NCAM1: variants seen among roughly 807,000 people sequenced by gnomAD.
The protein encoded by NCAM1 is antigen recognized by monoclonal antibody 5.1H11.
A neutral mutation model predicts 109.8 loss-of-function variants in NCAM1; 14 were observed. The observed-to-expected ratio is 0.13, with a 90% CI of 0.08 to 0.20. NCAM1 has a LOEUF of 0.20. Among genes scored for constraint, NCAM1 ranks in the 10% least tolerant of loss-of-function variants. The pLI is 1.00. For synonymous variants in NCAM1, 418 were observed against 442.9 expected, an observed-to-expected ratio of 0.94 and a Z score of 0.70; for missense variants, 774 against 1,109.9, an observed-to-expected ratio of 0.70 and a Z score of 4.30.
intron 1 of NCAM1, among the ~76,000 whole-genome samples, chr11:113,192,499 T>A (rs1943712577): frequency 6.6e-6 from 1 of 152,166 alleles, no homozygotes; most frequent in Non-Finnish European, 1.5e-5. Context: ...AGGCACTGGA[T>A]GGATTAATCA....
In NCAM1 at chr11:113,136,539, C is replaced by T. The variant is rs569784481; in HGVS notation, c.53-65840C>T. On this transcript the variant is annotated intron_variant, in intron 1 of 19. Transcript: ENST00000316851. ...TCCTGTGGGGTCTGGGTCAGGAAGA[C>T]GAGGAGGCATGCGTGAAGCGTGTCT... Among the ~76,000 whole-genome samples the T allele has an allele frequency of 3.3e-5, 5 of 152,288 alleles. No individual in the cohort carries two copies. The East Asian group carries it at 5.8e-4, about 18-fold the overall frequency.
intron 1 of NCAM1, among the ~76,000 whole-genome samples, chr11:113,118,719 G>A (rs10750024): frequency 0.57 from 86,293 of 151,596 alleles, 25,143 homozygotes; most frequent in African/African-American, 0.62. Flanking sequence ...AAACCTGTGA[G>A]TCTATGGAAG....
chr11:113,194,444 T>C (rs1943790997), intron 1 of NCAM1, among the ~76,000 whole-genome samples: 1 of 152,192 alleles, frequency 6.6e-6, no homozygotes, highest in South Asian at 2.1e-4. Flanking sequence ...ATGGTTTTTG[T>C]GTATGACTCA....
intron 7 of NCAM1, among the ~76,000 whole-genome samples, chr11:113,210,874 TG>T (rs1450697526): frequency 1.3e-5 from 2 of 150,666 alleles, no homozygotes; most frequent in African/African-American, 4.9e-5. Context: ...GGGAGCATAG[TG>T]GGGCAAACAG....
At chr11:113,272,022 G>A in intron 19 of NCAM1, 146 bp downstream of exon 19, 1 of 579,474 alleles carries the variant, frequency 1.7e-6, no homozygotes, top group Non-Finnish European at 3.0e-6. Context: ...CACAAGACCT[G>A]CTTGGCTGAG....
intron 1 of NCAM1, among the ~76,000 whole-genome samples, chr11:113,178,599 C>T (rs575379863): frequency 6.6e-6 from 1 of 152,292 alleles, no homozygotes; most frequent in Admixed American, 6.5e-5. Context: ...AAGTTTCTGA[C>T]AAACAGCCTG....
chr11:113,270,706 C>T (rs1460791279), intron 18 of NCAM1, among the ~76,000 whole-genome samples: 1 of 152,098 alleles, frequency 6.6e-6, no homozygotes, highest in Admixed American at 6.6e-5. Context: ...GAGGAGCTGC[C>T]ATGGGGTAGG....
intron 1 of NCAM1, among the ~76,000 whole-genome samples, chr11:113,142,779 T>C (rs1185796884): frequency 2.0e-5 from 3 of 152,192 alleles, no homozygotes; most frequent in Admixed American, 1.3e-4. Context: ...CGGGTGTGTA[T>C]AAACCAAGCA....
chr11:113,011,733 G>C (rs1319526714), intron 1 of NCAM1, among the ~76,000 whole-genome samples: 7 of 152,136 alleles, frequency 4.6e-5, no homozygotes, highest in African/African-American at 1.4e-4. Context: ...GTGTTTGGAG[G>C]GGATCGTTAA....
At chr11:112,994,164 G>C (rs1026512144) in intron 1 of NCAM1, among the ~76,000 whole-genome samples, 5 of 152,156 alleles carry the variant, frequency 3.3e-5, no homozygotes, top group Non-Finnish European at 5.9e-5. Context: ...TGCATTATTA[G>C]TCAATACATT....
chr11:113,264,066 G>C (rs1281487732), intron 17 of NCAM1: 2 of 985,258 alleles, frequency 2.0e-6, no homozygotes, highest in African/African-American at 1.7e-5. Flanking sequence ...CCCTTGTGGA[G>C]ACTCAGGGCT....
chr11:113,220,600 C>CTTTTTT (rs1336984958), intron 8 of NCAM1, among the ~76,000 whole-genome samples: 29 of 102,352 alleles, frequency 2.8e-4, no homozygotes, highest in Non-Finnish European at 4.5e-4. Flanking sequence ...CTCTCTCTCT[C>CTTTTTT]TCTTTTTTTT....
intron 1 of NCAM1, among the ~76,000 whole-genome samples, chr11:113,194,042 T>C (rs1943778385): frequency 6.6e-6 from 1 of 152,146 alleles, no homozygotes; most frequent in African/African-American, 2.4e-5. Context: ...CTCTGTGTTC[T>C]GATTTGAAGC....
At chr11:112,987,441 A>G (rs1042537050) in intron 1 of NCAM1, among the ~76,000 whole-genome samples, 8 of 152,200 alleles carry the variant, frequency 5.3e-5, no homozygotes, top group Admixed American at 1.3e-4. Flanking sequence ...CTTTTTCCAT[A>G]ATGATTTTCT....
At chr11:113,148,041 C>T (rs949888185) in intron 1 of NCAM1, among the ~76,000 whole-genome samples, 1 of 152,176 alleles carries the variant, frequency 6.6e-6, no homozygotes, top group Non-Finnish European at 1.5e-5. Flanking sequence ...ACAATTAATC[C>T]TAAAATGCAT....
Position 113,132,603 on chromosome 11 carries a change from CATGTGTGTGTGTGTGT to C in NCAM1, c.53-69775_53-69760del, listed in dbSNP as rs782325943. On this transcript the variant is annotated intron_variant, in intron 1 of 19. Coordinates refer to ENST00000316851, the MANE Select transcript of NCAM1 (RefSeq NM_181351.5). The stretch of plus-strand genomic sequence containing the variant: ...TTGGGATCAGGCATATATTAGGAAG[CATGTGTGTGTGTGTGT>C]GTGTGTGTGTGTGTGTGTGTGTGTG... Among the ~76,000 whole-genome samples, 12 of 108,744 alleles carry C rather than the reference CATGTGTGTGTGTGTGT, an allele frequency of 1.1e-4. No individual in the cohort carries two copies. The South Asian group carries it at 1.3e-3, about 12-fold the overall frequency. 71.3% of individuals were successfully genotyped at this position (108,744 alleles called of 152,430 possible).
intron 1 of NCAM1, among the ~76,000 whole-genome samples, chr11:113,199,829 T>TGAAAAAAAAAAAAAAAAAAAAAAAAA (rs60389510): frequency 3.5e-5 from 4 of 115,766 alleles, no homozygotes; most frequent in African/African-American, 6.8e-5. Flanking sequence ...GAAACACCCT[T>TGAAAAAAAAAAAAAAAAAAAAAAAAA]AAAAAAAAAA....
chr11:113,023,650 G>A (rs1952457609), intron 1 of NCAM1, among the ~76,000 whole-genome samples: 1 of 152,150 alleles, frequency 6.6e-6, no homozygotes, highest in Middle Eastern at 3.2e-3. Context: ...TTTCCTCTGT[G>A]TGTTTGTGTT....
chr11:113,235,836 A>G (rs1459268519), intron 14 of NCAM1, among the ~76,000 whole-genome samples: 1 of 152,064 alleles, frequency 6.6e-6, no homozygotes, highest in Non-Finnish European at 1.5e-5. Context: ...AACTACGCCT[A>G]TCCCACTTTG....
Sources: allele counts gnomAD v4.1 joint callset (sites outside exome capture counted in the v4.1 genomes callset), GRCh38; gene constraint gnomAD v4.1.1; transcripts MANE v1.5; gene names NCBI Gene and HGNC (gene_info 2026-07-23, HGNC 2026-07-21).